Variants in UGT1A7 observed in about 807,000 individuals in gnomAD.
The protein encoded by UGT1A7 is UDP-glucuronosyltransferase 1A7.
A neutral mutation model predicts 45.6 loss-of-function variants in UGT1A7; 33 were observed. The observed-to-expected ratio is 0.72, with a 90% CI of 0.55 to 0.97. The LOEUF (loss-of-function observed/expected upper bound fraction) is 0.97, where lower values mean the gene tolerates loss of function less well. Among genes scored for constraint, UGT1A7 ranks in the 50% least tolerant of loss-of-function variants. UGT1A7 has a pLI of 0.00. For synonymous variants in UGT1A7, 274 were observed against 250.6 expected (o/e 1.09, Z -0.88); for missense variants, 684 against 666.2 (o/e 1.03, Z -0.29).
chr2:233,769,449 G>A lies in UGT1A7; in HGVS notation c.1295+1010G>A, dbSNP rs538754639. ...GCTGTGCTCATGTGTGGGTGCACAC[G>A]TGTGCATTCATATGCGTGTGTGTGT... On this transcript the variant is annotated intron_variant, in intron 4 of 4. Coordinates refer to ENST00000373426, the MANE Select transcript of UGT1A7 (RefSeq NM_019077.3). The surrounding 1 kb of genome is among the most constrained non-coding windows in gnomAD (Gnocchi z 4.4). The A allele has an allele frequency of 8.2e-5, 130 of 1,580,920 alleles. 1 individual carries two copies. The highest frequency in any genetic ancestry group is 7.2e-4 in the African/African-American group (54 of 74,488).
At chr2:233,689,785 A>T (rs1001537463) in intron 1 of UGT1A7, 1 of 410,614 alleles carries the variant, frequency 2.4e-6, no homozygotes, top group Non-Finnish European at 4.8e-6. Flanking sequence ...ATATGTTATG[A>T]TGTGATCTGT....
At chr2:233,719,078 G>C in intron 1 of UGT1A7, 1 of 1,614,254 alleles carries the variant, frequency 6.2e-7, no homozygotes, top group Non-Finnish European at 8.5e-7. Flanking sequence ...CATGGACCCA[G>C]AAGGAATTTG....
intron 1 of UGT1A7, among the ~76,000 whole-genome samples, chr2:233,739,420 AG>A (rs1432310727): frequency 3.3e-5 from 5 of 152,220 alleles, no homozygotes; most frequent in African/African-American, 1.2e-4. Flanking sequence ...GAAAGCAGCC[AG>A]GACGAGGGCT....
chr2:233,691,613 G>A (rs2075050134), intron 1 of UGT1A7: 5 of 985,636 alleles, frequency 5.1e-6, no homozygotes, highest in South Asian at 4.7e-5. Flanking sequence ...CTCTGGGACC[G>A]CCCTCAGCAG....
intron 1 of UGT1A7, among the ~76,000 whole-genome samples, chr2:233,735,786 T>C (rs1470873966): frequency 1.3e-5 from 2 of 152,218 alleles, no homozygotes; most frequent in Non-Finnish European, 2.9e-5. Context: ...TTTGGCTGCA[T>C]ATGAATTTCT....
At chr2:233,747,265 C>T in intron 1 of UGT1A7, 1 of 1,599,630 alleles carries the variant, frequency 6.3e-7, no homozygotes, top group Non-Finnish European at 8.5e-7. Context: ...AGGAGTGCTA[C>T]TCCTTCTCAG....
rs192958236 is a variant in UGT1A7 at position 233,736,101 on chromosome 2, G to A, written c.856-30933G>A. On this transcript the variant is annotated intron_variant, in intron 1 of 4. Transcript: ENST00000373426. ...GTTCTCCTGGATAATATCCTGAAGA[G>A]TGTTTTCCAACTTGTTTCCATTCTC... Among the ~76,000 whole-genome samples, 338 of 152,320 alleles carry A rather than the reference G, an allele frequency of 2.2e-3. 1 individual carries two copies. The highest frequency in any genetic ancestry group is 4.2e-3 in the Non-Finnish European group (288 of 68,040).
chr2:233,764,196 C>T (rs923801635), intron 1 of UGT1A7, among the ~76,000 whole-genome samples: 7 of 152,120 alleles, frequency 4.6e-5, no homozygotes, highest in African/African-American at 1.7e-4. Flanking sequence ...TCAGGGGCAT[C>T]TCATCTTTTC....
intron 1 of UGT1A7, among the ~76,000 whole-genome samples, chr2:233,749,857 C>T (rs2125901015): frequency 6.6e-6 from 1 of 152,096 alleles, no homozygotes; most frequent in Middle Eastern, 3.4e-3. Flanking sequence ...CTCTCTCTCA[C>T]TTTCTGCCAG....
At position 233,757,048 on chromosome 2, in the gene UGT1A7, T is replaced by C. The variant is rs536754863; in HGVS notation, c.856-9986T>C. On this transcript the variant is annotated intron_variant, in intron 1 of 4. Transcript: ENST00000373426. ...CAATTTGAGAACATCAAAGGAAGTT[T>C]GGGGAACAGCAAGGGATCCAGAATG... is the stretch of plus-strand genomic sequence containing the variant. Among the ~76,000 whole-genome samples, 5 of 151,546 alleles carry C rather than the reference T, an allele frequency of 3.3e-5. No individual in the cohort carries two copies. In the South Asian group the frequency reaches 1.0e-3, roughly 32 times the overall value.
chr2:233,754,685 T>G (rs1172577930), intron 1 of UGT1A7: 1 of 484,648 alleles, frequency 2.1e-6, no homozygotes, highest in African/African-American at 2.0e-5. Context: ...CATCAACTAT[T>G]TCAGTGGAAG....
intron 1 of UGT1A7, among the ~76,000 whole-genome samples, chr2:233,765,971 T>A (rs950382144): frequency 6.6e-6 from 1 of 152,072 alleles, no homozygotes; most frequent in African/African-American, 2.4e-5. Context: ...TAGAGGTGGA[T>A]GTTTACAGCT....
chr2:233,700,370 G>A (rs947841923), intron 1 of UGT1A7, among the ~76,000 whole-genome samples: 2 of 152,050 alleles, frequency 1.3e-5, no homozygotes, highest in African/African-American at 2.4e-5. Context: ...TGATTATCTG[G>A]GGCATTTCCA....
chr2:233,731,298 T>A (rs909820502), intron 1 of UGT1A7, among the ~76,000 whole-genome samples: 4 of 149,198 alleles, frequency 2.7e-5, no homozygotes, highest in Non-Finnish European at 4.5e-5. Flanking sequence ...TTTTTTTTTT[T>A]ATTATACTTT....
chr2:233,719,459 C>T (rs758684998), intron 1 of UGT1A7: 2 of 1,613,896 alleles, frequency 1.2e-6, no homozygotes, highest in East Asian at 4.5e-5. Context: ...GGGTCAAGAA[C>T]ATGCTCTACC....
chr2:233,760,716 C>T (rs1697538425), intron 1 of UGT1A7: 9 of 1,614,218 alleles, frequency 5.6e-6, no homozygotes, highest in East Asian at 2.2e-5. Context: ...TGGCAGAAAG[C>T]AGCTTTGATG....
intron 2 of UGT1A7, 67 bp from the exon 3 acceptor site, chr2:233,767,782 A>T: frequency 3.1e-6 from 5 of 1,613,494 alleles, no homozygotes; most frequent in Non-Finnish European, 4.2e-6. Context: ...TCTAGTTAGT[A>T]TAGCAGATTT....
chr2:233,711,755 CA>C (rs1023475863), intron 1 of UGT1A7, among the ~76,000 whole-genome samples: 2 of 152,204 alleles, frequency 1.3e-5, no homozygotes, highest in Non-Finnish European at 2.9e-5. Context: ...GGCATGTAGA[CA>C]CAGAGGAAGT....
At chr2:233,720,767 C>A (rs550051357) in intron 1 of UGT1A7, among the ~76,000 whole-genome samples, 2 of 150,844 alleles carry the variant, frequency 1.3e-5, no homozygotes, top group East Asian at 3.9e-4. Flanking sequence ...GGGCAGTGGC[C>A]GGATCTCCGC....
Sources: gnomAD v4.1 joint callset for allele counts (sites outside exome capture counted in the v4.1 genomes callset) on GRCh38, gnomAD v4.1.1 for gene constraint, Gnocchi (gnomAD v3.1) non-coding constraint, MANE v1.5 for transcripts, NCBI Gene and HGNC (gene_info 2026-07-23, HGNC 2026-07-21) for gene names.